POMT2: variants seen among roughly 807,000 people sequenced by gnomAD.
POMT2 encodes protein O-mannosyltransferase 2.
POMT2 carries 75 observed loss-of-function variants against 100.0 expected under a neutral mutation model. The observed-to-expected ratio is 0.75, with a 90% CI of 0.62 to 0.91. The LOEUF (loss-of-function observed/expected upper bound fraction) is 0.91, where lower values mean the gene tolerates loss of function less well. Ranked by LOEUF, POMT2 falls within the 40% of genes least tolerant of loss-of-function variation. The pLI is 0.00. For synonymous variants in POMT2, 378 were observed against 374.1 expected (o/e 1.01, Z -0.12); for missense variants, 940 against 955.1 (o/e 0.98, Z 0.21).
In POMT2 at chr14:77,277,381, A is replaced by T. The variant is rs763761881; in HGVS notation, c.2248T>A (p.Phe750Ile). 1 of 1,611,348 alleles carries T rather than the reference A, an allele frequency of 6.2e-7. No homozygotes were observed. The highest frequency in any genetic ancestry group is 8.5e-7 in the Non-Finnish European group (1 of 1,177,464). The change falls in exon 21 of 21, where the codon TTT (phenylalanine) becomes ATT (isoleucine). Residue 750 changes from phenylalanine to isoleucine, a missense_variant. By Grantham distance (21) the Phe-to-Ile change is conservative. Coordinates refer to ENST00000261534, the MANE Select transcript of POMT2 (RefSeq NM_013382.7). ...AGLRWLDSWDF is the reference protein window; with the variant it reads ...AGLRWLDSWDI ...CTGGAATCTTTGCAGTGGCCTCAAAAGTCCCATGAGTCCAGCCACCTTAGT... is the reference window on the plus strand; with the variant it reads ...CTGGAATCTTTGCAGTGGCCTCAAATGTCCCATGAGTCCAGCCACCTTAGT...
intron 2 of POMT2, 40 bp downstream of exon 2, chr14:77,311,909 C>A (rs1391005007): frequency 6.2e-7 from 1 of 1,611,700 alleles, no homozygotes. Context: ...TAGGAACAAT[C>A]CTCTGGGACC....
At chr14:77,288,632 C>T in intron 11 of POMT2, 130 bp downstream of exon 11, 1 of 771,976 alleles carries the variant, frequency 1.3e-6, no homozygotes, top group South Asian at 1.5e-5. Context: ...ATGCTTCTCC[C>T]ATTCTCGCAC....
intron 1 of POMT2, among the ~76,000 whole-genome samples, chr14:77,317,977 T>G (rs896591676): frequency 6.6e-6 from 1 of 152,194 alleles, no homozygotes; most frequent in Admixed American, 6.5e-5. Context: ...GTAGAAGACA[T>G]AATGGGCCTC....
intron 1 of POMT2, among the ~76,000 whole-genome samples, chr14:77,316,307 T>A (rs1891623774): frequency 1.3e-5 from 2 of 151,972 alleles, no homozygotes; most frequent in South Asian, 4.2e-4. Context: ...CATTCAAGAG[T>A]ACAGCTGGTA....
intron 2 of POMT2, among the ~76,000 whole-genome samples, chr14:77,307,070 T>A (rs1309905820): frequency 3.3e-5 from 5 of 152,260 alleles, no homozygotes; most frequent in African/African-American, 1.2e-4. Context: ...ACTGAGACTG[T>A]GAGTCATGAA....
chr14:77,283,762 T>TAA, intron 15 of POMT2, 35 bp downstream of exon 15: 1 of 1,543,416 alleles, frequency 6.5e-7, no homozygotes, highest in South Asian at 1.1e-5. Context: ...CCAAAAGCTC[T>TAA]TAGAGACGCC....
Position 77,296,220 on chromosome 14 carries a change from A to C in POMT2, c.1060T>G (p.Tyr354Asp). 1 of 1,609,714 alleles carries C rather than the reference A, an allele frequency of 6.2e-7. No homozygotes were observed. The change falls in exon 9 of 21, where the codon TAT (tyrosine) becomes GAT (aspartate). Residue 354 changes from tyrosine (Y) to aspartate (D), a missense_variant. Tyr to Asp is a radical substitution (Grantham distance 160). Transcript: ENST00000261534. ...TAGAGGTGCCTGTGGGAGTGCAGAT[A>C]GCCGATGGCCATCCGGAGGTTCTTC... ...TVKNLRMAIG[Y>D]LHSHRHLYPE...
chr14:77,308,547 G>C (rs2139509175), intron 2 of POMT2, among the ~76,000 whole-genome samples: 1 of 151,792 alleles, frequency 6.6e-6, no homozygotes, highest in South Asian at 2.1e-4. Flanking sequence ...GTAGAGACGG[G>C]GTTTCACCAT....
intron 4 of POMT2, 94 bp downstream of exon 4, chr14:77,304,598 C>A: frequency 6.5e-7 from 1 of 1,531,580 alleles, no homozygotes; most frequent in Non-Finnish European, 8.8e-7. Flanking sequence ...GAACTGGACC[C>A]ACATATAGGG....
In POMT2 at chr14:77,301,235, G is replaced by A. The variant is rs771995900; in HGVS notation, c.671C>T (p.Pro224Leu). ...NSCADRPFSA[P>L]WWFWLSLTGV... ...AGTCAGGCTGAGCCAGAACCACCAGGGGGCAGAGAAGGGCCTGAAAATCAA... is the reference window on the plus strand; with the variant it reads ...AGTCAGGCTGAGCCAGAACCACCAGAGGGCAGAGAAGGGCCTGAAAATCAA... Residue 224 changes from proline (P) to leucine (L), a missense_variant, in exon 6 of 21, where the codon CCC becomes CTC. Transcript: ENST00000261534. The A allele has an allele frequency of 9.3e-6, 15 of 1,614,166 alleles. No homozygotes were observed. The highest frequency in any genetic ancestry group is 1.3e-5 in the Non-Finnish European group (15 of 1,180,028).
At chr14:77,283,924 A>G (rs983849445) in intron 14 of POMT2, 51 bp from the exon 15 acceptor site, 1 of 1,466,414 alleles carries the variant, frequency 6.8e-7, no homozygotes, top group Non-Finnish European at 9.6e-7. Context: ...TTCTTTCCTC[A>G]GTCTGTCCAT....
chr14:77,296,432 G>A (rs1298236730), intron 8 of POMT2, 159 bp from the exon 9 acceptor site: 17 of 631,350 alleles, frequency 2.7e-5, no homozygotes, highest in Admixed American at 2.4e-5. Context: ...CCATGGAGCC[G>A]ACTCAAGACA....
intron 5 of POMT2, 110 bp from the exon 6 acceptor site, chr14:77,301,359 G>C (rs769853398): frequency 7.1e-7 from 1 of 1,417,522 alleles, no homozygotes; most frequent in Non-Finnish European, 9.8e-7. Flanking sequence ...GCTGTGCCCT[G>C]TCTTGGGGGC....
chr14:77,283,881 A>C lies in POMT2; in HGVS notation c.1577-8T>G. On this transcript the variant is annotated splice_polypyrimidine_tract_variant and splice_region_variant and intron_variant, in intron 14 of 20. Coordinates refer to ENST00000261534, the MANE Select transcript of POMT2 (RefSeq NM_013382.7). ...CCAGGCTGATGTTTGGCACTAGGGG[A>C]AAAAAATGCAGGAGAAAAGCCTTTG... 2.5e-6 allele frequency: 4 copies of C among 1,597,806 alleles called. No individual in the cohort carries two copies. The highest frequency in any genetic ancestry group is 3.4e-6 in the Non-Finnish European group (4 of 1,165,360).
intron 1 of POMT2, among the ~76,000 whole-genome samples, chr14:77,313,550 C>T (rs895748810): frequency 8.5e-5 from 13 of 152,242 alleles, no homozygotes; most frequent in Non-Finnish European, 1.9e-4. Flanking sequence ...TAGGGCTCAA[C>T]TCAGATAACA....
chr14:77,301,553 G>A (rs1045285930), intron 5 of POMT2, among the ~76,000 whole-genome samples: 3 of 152,234 alleles, frequency 2.0e-5, no homozygotes, highest in African/African-American at 4.8e-5. Context: ...TGACCAGTCA[G>A]GCAGGAGTAA....
chr14:77,281,187 A>G (rs887903611), intron 15 of POMT2, among the ~76,000 whole-genome samples: 7 of 152,124 alleles, frequency 4.6e-5, no homozygotes, highest in Non-Finnish European at 8.8e-5. Context: ...TTCAAACAGA[A>G]AAGCAGAAAC....
At position 77,309,433 on chromosome 14, in the gene POMT2, C is replaced by T. The variant is rs533645631; in HGVS notation, c.333+2516G>A. On this transcript the variant is annotated intron_variant, in intron 2 of 20. Transcript: ENST00000261534. ...AAAGGAGAAAACTTCCTGCTTGCTA[C>T]TTGGAGGGGTTTTGATTCCTTGACT... Among the ~76,000 whole-genome samples, 4 of 152,268 alleles carry T rather than the reference C, an allele frequency of 2.6e-5. No individual in the cohort carries two copies. In the South Asian group the frequency reaches 6.2e-4, roughly 24 times the overall value.
intron 13 of POMT2, 106 bp from the exon 14 acceptor site, chr14:77,285,147 T>C: frequency 1.0e-6 from 1 of 996,862 alleles, no homozygotes; most frequent in South Asian, 1.4e-5. Flanking sequence ...CTTTTCCACA[T>C]GGTGGCCATT....
Sources: gnomAD v4.1 joint callset for allele counts (sites outside exome capture counted in the v4.1 genomes callset) on GRCh38, gnomAD v4.1.1 for gene constraint, MANE v1.5 for transcripts, NCBI Gene and HGNC (gene_info 2026-07-23, HGNC 2026-07-21) for gene names.